Variants in COMMD1 observed in about 807,000 individuals in gnomAD.
COMMD1 encodes COMM domain-containing protein 1.
In COMMD1, 10 loss-of-function variants were observed where a neutral mutation model predicts 17.2. The observed-to-expected ratio is 0.58, with a 90% confidence interval of 0.36 to 0.99. COMMD1 has a LOEUF of 0.99. Among genes scored for constraint, COMMD1 ranks in the 50% least tolerant of loss-of-function variants. The probability of loss-of-function intolerance (pLI) is 0.01; values close to 1 mark genes in which losing one functional copy is unlikely to be tolerated. For synonymous variants in COMMD1, 97 were observed against 91.6 expected, an observed-to-expected ratio of 1.06 and a Z score of -0.34; for missense variants, 270 against 231.8, an observed-to-expected ratio of 1.17 and a Z score of -1.07.
intron 1 of COMMD1, among the ~76,000 whole-genome samples, chr2:61,977,711 G>T (rs922931450): frequency 1.3e-5 from 2 of 152,090 alleles, no homozygotes; most frequent in African/African-American, 4.8e-5. Flanking sequence ...ATTGGGCCCA[G>T]TGTGGTGGCT....
chr2:61,902,863 A>G (rs566630912), upstream of COMMD1, among the ~76,000 whole-genome samples: 1 of 152,256 alleles, frequency 6.6e-6, no homozygotes, highest in South Asian at 2.1e-4. Flanking sequence ...AATTAAATGA[A>G]ATTAAAAGAA....
intron 2 of COMMD1, among the ~76,000 whole-genome samples, chr2:62,089,654 C>T (rs1234073148): frequency 6.6e-6 from 1 of 152,070 alleles, no homozygotes; most frequent in Admixed American, 6.6e-5. Flanking sequence ...TTTTCCTTGT[C>T]TCATAATGTT....
Position 62,123,277 on chromosome 2 carries a change from A to G in COMMD1, c.463-12554A>G, listed in dbSNP as rs1317327676. On this transcript the variant is annotated intron_variant, in intron 2 of 2. Transcript: ENST00000311832. ...TCCCAGCACTTTGGGAGGCTGAGGC[A>G]GGCAGATCATGAGGTCAGGAGTTCA... Among the ~76,000 whole-genome samples the G allele has an allele frequency of 3.5e-3, 535 of 151,094 alleles. 2 individuals are homozygous for G. The highest frequency in any genetic ancestry group is 0.013 in the African/African-American group (509 of 40,472).
At chr2:62,121,247 G>A (rs959321396) in intron 2 of COMMD1, among the ~76,000 whole-genome samples, 3 of 151,282 alleles carry the variant, frequency 2.0e-5, no homozygotes, top group Admixed American at 1.3e-4. Flanking sequence ...GCATTTGCCT[G>A]TAATCCCAGC....
At chr2:61,922,788 T>C (rs1670232203) in intron 1 of COMMD1, among the ~76,000 whole-genome samples, 1 of 152,232 alleles carries the variant, frequency 6.6e-6, no homozygotes, top group South Asian at 2.1e-4. Flanking sequence ...AAAGATTGTA[T>C]ATCCAGTATT....
At chr2:62,052,365 TA>T (rs1670560698) in intron 2 of COMMD1, among the ~76,000 whole-genome samples, 1 of 152,096 alleles carries the variant, frequency 6.6e-6, no homozygotes. Flanking sequence ...AAAAGAAAAA[TA>T]GAGGAAGTTT....
At chr2:62,107,104 T>G (rs1484704655) in intron 2 of COMMD1, among the ~76,000 whole-genome samples, 2 of 152,170 alleles carry the variant, frequency 1.3e-5, no homozygotes, top group Non-Finnish European at 2.9e-5. Flanking sequence ...TCCTTAAAAT[T>G]TTAAGGATCA....
chr2:62,135,198 A>G (rs1054994840), intron 2 of COMMD1, among the ~76,000 whole-genome samples: 1 of 152,164 alleles, frequency 6.6e-6, no homozygotes, highest in Non-Finnish European at 1.5e-5. Flanking sequence ...CAGGGTCCTC[A>G]TTTTTAAAAC....
At chr2:62,088,398 G>T (rs1431509104) in intron 2 of COMMD1, among the ~76,000 whole-genome samples, 1 of 152,086 alleles carries the variant, frequency 6.6e-6, no homozygotes, top group African/African-American at 2.4e-5. Context: ...TGTACTGTGG[G>T]CACTTTCAGC....
chr2:62,001,017 C>A, intron 2 of COMMD1, 35 bp downstream of exon 2: 1 of 1,589,710 alleles, frequency 6.3e-7, no homozygotes. Flanking sequence ...CCTTTGTAAA[C>A]TGTATTTTTC....
chr2:62,132,827 G>T (rs1244751443), intron 2 of COMMD1, among the ~76,000 whole-genome samples: 4 of 138,900 alleles, frequency 2.9e-5, no homozygotes, highest in South Asian at 2.5e-4. Flanking sequence ...GCGACAGAGC[G>T]AGACTCTTGT....
At chr2:61,892,551 C>T (rs941978358) in intron 1 of COMMD1, among the ~76,000 whole-genome samples, 9 of 151,788 alleles carry the variant, frequency 5.9e-5, no homozygotes, top group East Asian at 3.9e-4. Flanking sequence ...AAAATTAGCC[C>T]GGTGTTGTGG....
At chr2:61,983,383 G>C (rs943572576) in intron 1 of COMMD1, among the ~76,000 whole-genome samples, 9 of 134,602 alleles carry the variant, frequency 6.7e-5, no homozygotes, top group Admixed American at 4.2e-4. Context: ...GTAGAGATGG[G>C]GTTTACCGTG....
intron 2 of COMMD1, among the ~76,000 whole-genome samples, chr2:62,057,060 C>A (rs944231528): frequency 3.9e-5 from 6 of 152,206 alleles, no homozygotes; most frequent in Non-Finnish European, 8.8e-5. Flanking sequence ...TCGAGTATCA[C>A]TGTCTCCCAC....
intron 1 of COMMD1, among the ~76,000 whole-genome samples, chr2:61,950,475 C>A (rs534595149): frequency 1.3e-5 from 2 of 152,214 alleles, no homozygotes; most frequent in Non-Finnish European, 2.9e-5. Context: ...GTAGTTCCCC[C>A]TAATCCCCTA....
intron 2 of COMMD1, among the ~76,000 whole-genome samples, chr2:62,032,365 G>A (rs941182854): frequency 5.3e-5 from 8 of 152,070 alleles, no homozygotes; most frequent in African/African-American, 1.9e-4. Flanking sequence ...GCAAGACCTT[G>A]TTTCTACAAA....
At chr2:62,085,649 G>A (rs957370477) in intron 2 of COMMD1, among the ~76,000 whole-genome samples, 2 of 152,074 alleles carry the variant, frequency 1.3e-5, no homozygotes, top group Non-Finnish European at 2.9e-5. Flanking sequence ...ACCAGCCTGG[G>A]CAATAGAGTG....
intron 2 of COMMD1, among the ~76,000 whole-genome samples, chr2:62,112,075 A>G (rs1672469731): frequency 6.6e-6 from 1 of 152,322 alleles, no homozygotes; most frequent in East Asian, 1.9e-4. Context: ...TTTTCAAGAA[A>G]AGCAAGCACA....
At chr2:62,113,969 A>T (rs1283104088) in intron 2 of COMMD1, among the ~76,000 whole-genome samples, 1 of 152,184 alleles carries the variant, frequency 6.6e-6, no homozygotes. Flanking sequence ...ATCACAGCCC[A>T]TTTATGAGGA....
Sources: gnomAD v4.1 joint callset for allele counts (sites outside exome capture counted in the v4.1 genomes callset) on GRCh38, gnomAD v4.1.1 for gene constraint, MANE v1.5 for transcripts, NCBI Gene and HGNC (gene_info 2026-07-23, HGNC 2026-07-21) for gene names.